BABAM2: variants seen among roughly 807,000 people sequenced by gnomAD.
The protein encoded by BABAM2 is BRISC and BRCA1 A complex member 2, also known as BRISC and BRCA1-A complex member 2.
BABAM2 carries 31 observed loss-of-function variants against 54.7 expected under a neutral mutation model. The ratio of observed to expected loss-of-function variants is 0.57; its 90% CI spans 0.43 to 0.77. The LOEUF (loss-of-function observed/expected upper bound fraction) is 0.77. Ranked by LOEUF, BABAM2 falls within the 30% of genes least tolerant of loss-of-function variation. BABAM2 has a pLI of 0.00. For synonymous variants in BABAM2, 167 were observed against 162.9 expected (o/e 1.03, Z -0.19); for missense variants, 364 against 455.8 (o/e 0.80, Z 1.83).
At chr2:27,984,893 G>A (rs556908175) in intron 3 of BABAM2, among the ~76,000 whole-genome samples, 5 of 151,976 alleles carry the variant, frequency 3.3e-5, no homozygotes, top group African/African-American at 4.8e-5. Flanking sequence ...TCATTCTTAC[G>A]CCTTTGCATC....
At chr2:28,129,202 T>C in intron 6 of BABAM2, 69 bp from the exon 7 acceptor site, 3 of 1,408,248 alleles carry the variant, frequency 2.1e-6, no homozygotes, top group East Asian at 2.3e-5. Context: ...GCCAGTGGAC[T>C]GTGAGCTTGA....
At chr2:28,029,087 G>T (rs1365386814) in intron 5 of BABAM2, among the ~76,000 whole-genome samples, 1 of 152,172 alleles carries the variant, frequency 6.6e-6, no homozygotes, top group South Asian at 2.1e-4. Context: ...TTTCTTAAAG[G>T]TTATGATTTT....
intron 10 of BABAM2, among the ~76,000 whole-genome samples, chr2:28,277,592 C>A (rs745980323): frequency 3.3e-5 from 5 of 152,194 alleles, no homozygotes; most frequent in Non-Finnish European, 7.3e-5. Context: ...CCATGCCTGC[C>A]CTTTCACAGC....
chr2:28,233,488 T>A (rs1681612914), intron 7 of BABAM2, among the ~76,000 whole-genome samples: 1 of 152,226 alleles, frequency 6.6e-6, no homozygotes, highest in Non-Finnish European at 1.5e-5. Context: ...CATGGCACTT[T>A]ACTTAGTTTA....
At chr2:28,057,590 G>A (rs920153646) in intron 6 of BABAM2, among the ~76,000 whole-genome samples, 10 of 151,938 alleles carry the variant, frequency 6.6e-5, no homozygotes, top group Admixed American at 2.0e-4. Flanking sequence ...AGGTTGTGCC[G>A]GTTTGTTTCT....
At chr2:28,090,535 C>A (rs975750150) in intron 6 of BABAM2, among the ~76,000 whole-genome samples, 3 of 152,184 alleles carry the variant, frequency 2.0e-5, no homozygotes, top group Admixed American at 2.0e-4. Context: ...AGCCACTGCA[C>A]CCAGCAGTTT....
At chr2:28,161,742 C>A (rs917925110) in intron 7 of BABAM2, among the ~76,000 whole-genome samples, 2 of 151,946 alleles carry the variant, frequency 1.3e-5, no homozygotes, top group African/African-American at 4.8e-5. Context: ...TGCTCTTTTG[C>A]GGTCAAAAAG....
chr2:28,331,880 C>A (rs1248961236), intron 11 of BABAM2, among the ~76,000 whole-genome samples: 1 of 152,204 alleles, frequency 6.6e-6, no homozygotes, highest in African/African-American at 2.4e-5. Context: ...ATGTTCACTG[C>A]AGCACTATTC....
intron 4 of BABAM2, among the ~76,000 whole-genome samples, chr2:28,024,220 C>A (rs531303384): frequency 1.2e-4 from 19 of 152,016 alleles, no homozygotes; most frequent in African/African-American, 4.6e-4. Context: ...CTGGCTAACA[C>A]GGTGAAACCC....
chr2:28,026,926 AAAT>A (rs1558667822), intron 5 of BABAM2, among the ~76,000 whole-genome samples: 41 of 76,456 alleles, frequency 5.4e-4, no homozygotes, highest in African/African-American at 2.5e-3. Flanking sequence ...TAATATATAT[AAAT>A]ATATATATAA....
chr2:28,165,677 G>A (rs1386825268), intron 7 of BABAM2, among the ~76,000 whole-genome samples: 1 of 151,784 alleles, frequency 6.6e-6, no homozygotes, highest in Non-Finnish European at 1.5e-5. Flanking sequence ...TGGGATTACA[G>A]GCATGTGCCA....
chr2:27,940,980 C>T (rs961692810), intron 3 of BABAM2, among the ~76,000 whole-genome samples: 1 of 152,188 alleles, frequency 6.6e-6, no homozygotes, highest in Non-Finnish European at 1.5e-5. Flanking sequence ...AAATGACTTC[C>T]TGAGCCCCTA....
chr2:28,325,643 G>A lies in BABAM2; in HGVS notation c.1089-12807G>A, dbSNP rs1018270123. ...AAAGCCCAGAGAGCCAGGTGTCTGC[G>A]GTGTGATTTCAGCTGTCAGGGGGAT... is the stretch of plus-strand genomic sequence containing the variant. On this transcript the variant is annotated intron_variant, in intron 11 of 11. Transcript: ENST00000379624. The surrounding 1 kb of genome is among the most constrained non-coding windows in gnomAD (Gnocchi z 4.3). Among the ~76,000 whole-genome samples the A allele has an allele frequency of 1.3e-5, 2 of 152,154 alleles. No homozygotes were observed. Among genetic ancestry groups the A allele is most frequent in the Non-Finnish European group, 2.9e-5 (2 of 68,026 alleles).
rs538635145 is a variant in BABAM2, at chr2:28,273,627, G to A, written c.935-24711G>A. ...CCAGCTTCTTGGGAGGATGAGGTAC[G>A]AGAATTGCTTGAACCTGGGAGGCAG... is the stretch of plus-strand genomic sequence containing the variant. On this transcript the variant is annotated intron_variant, in intron 10 of 11. Transcript: ENST00000379624. Among the ~76,000 whole-genome samples, 15 of 152,262 alleles carry A rather than the reference G, an allele frequency of 9.9e-5. No individual in the cohort carries two copies. The South Asian group carries it at 2.9e-3, about 29-fold the overall frequency.
At chr2:28,240,329 G>C (rs780942594) in intron 8 of BABAM2, among the ~76,000 whole-genome samples, 23 of 152,002 alleles carry the variant, frequency 1.5e-4, no homozygotes, top group Non-Finnish European at 3.1e-4. Context: ...TGGCTGTGTT[G>C]CTGAGGCTGG....
chr2:27,976,838 A>T (rs141914200), intron 3 of BABAM2, among the ~76,000 whole-genome samples: 1 of 152,138 alleles, frequency 6.6e-6, no homozygotes. Context: ...ACTGCTTCAG[A>T]TATTAGAAGT....
intron 6 of BABAM2, among the ~76,000 whole-genome samples, chr2:28,080,285 T>C (rs138241307): frequency 4.1e-4 from 62 of 152,294 alleles, no homozygotes; most frequent in African/African-American, 1.5e-3. Context: ...AATTCTGTGA[T>C]ACTCATTTAA....
intron 7 of BABAM2, chr2:28,233,306 C>T (rs1016468413): frequency 8.5e-6 from 4 of 470,394 alleles, no homozygotes; most frequent in African/African-American, 8.0e-5. Flanking sequence ...CTTCAGCCAG[C>T]CCTGCAGTCC....
intron 7 of BABAM2, among the ~76,000 whole-genome samples, chr2:28,140,759 C>T (rs940085350): frequency 3.9e-5 from 6 of 151,906 alleles, no homozygotes; most frequent in Non-Finnish European, 7.4e-5. Context: ...ACACCTAACA[C>T]GTGTGTATAA....
Sources: gnomAD v4.1 joint callset for allele counts (sites outside exome capture counted in the v4.1 genomes callset) on GRCh38, gnomAD v4.1.1 for gene constraint, Gnocchi (gnomAD v3.1) non-coding constraint, MANE v1.5 for transcripts, NCBI Gene and HGNC (gene_info 2026-07-23, HGNC 2026-07-21) for gene names.